Variants in CTNNA2 observed in about 807,000 individuals in gnomAD.
CTNNA2 encodes the protein catenin alpha-2.
Under a neutral mutation model 101.0 loss-of-function variants are expected in CTNNA2, and 42 were observed. The observed-to-expected ratio is 0.42, with a 90% confidence interval of 0.32 to 0.54. The LOEUF is 0.54. CTNNA2 is among the 20% of genes least tolerant of loss of function. CTNNA2 has a pLI of 0.14. For missense variants in CTNNA2, 871 were observed against 1,223.1 expected, an observed-to-expected ratio of 0.71 and a Z score of 4.29; for synonymous variants, 450 against 456.4, an observed-to-expected ratio of 0.99 and a Z score of 0.18.
At chr2:79,545,068 A>G (rs777215709) in intron 1 of CTNNA2, among the ~76,000 whole-genome samples, 1 of 152,218 alleles carries the variant, frequency 6.6e-6, no homozygotes, top group Non-Finnish European at 1.5e-5. Flanking sequence ...ATTTAAATTC[A>G]GCATCACATG....
At chr2:80,107,492 C>T (rs1364969420) in intron 7 of CTNNA2, among the ~76,000 whole-genome samples, 1 of 152,118 alleles carries the variant, frequency 6.6e-6, no homozygotes, top group African/African-American at 2.4e-5. Flanking sequence ...AGATTACCTG[C>T]CCATCCTGTC....
rs386390569 is a variant in CTNNA2, at chr2:79,796,394, CAA to C, written c.298+51829_298+51830del. On this transcript the variant is annotated intron_variant, in intron 3 of 18. Transcript: ENST00000402739. ...TAGGCGACAGAGCGAGACTCCGTCT[CAA>C]AAAAAAAAAAAAAAAAGTGGCCTAA... Among the ~76,000 whole-genome samples, 96 of 94,780 alleles carry C rather than the reference CAA, an allele frequency of 1.0e-3. No homozygotes were observed. In the Middle Eastern group the frequency reaches 0.017, roughly 17 times the overall value. The allele number at this position is 94,780 out of a possible 152,430, so 62.2% of individuals were successfully genotyped here. A position where few individuals can be genotyped will look rare whatever the true frequency, so the allele number is the denominator to read the frequency against.
At chr2:79,469,619 A>C (rs924060288) in intron 4 of CTNNA2, among the ~76,000 whole-genome samples, 1 of 152,214 alleles carries the variant, frequency 6.6e-6, no homozygotes, top group African/African-American at 2.4e-5. Context: ...ACATCGATGC[A>C]AAAATCCTCA....
chr2:80,223,292 G>T (rs1211350429), intron 7 of CTNNA2, among the ~76,000 whole-genome samples: 1 of 152,150 alleles, frequency 6.6e-6, no homozygotes, highest in South Asian at 2.1e-4. Flanking sequence ...AAAACATCAG[G>T]AAGTCAGGAT....
At chr2:80,370,253 G>GGTGTGT (rs55674137) in intron 7 of CTNNA2, among the ~76,000 whole-genome samples, 6 of 150,676 alleles carry the variant, frequency 4.0e-5, no homozygotes, top group South Asian at 4.2e-4. Flanking sequence ...ATATTTGAGT[G>GGTGTGT]GTGTGTGTGT....
At chr2:79,553,727 C>A (rs1384699788) in intron 1 of CTNNA2, among the ~76,000 whole-genome samples, 1 of 152,100 alleles carries the variant, frequency 6.6e-6, no homozygotes, top group East Asian at 1.9e-4. Context: ...GGATGTCTGC[C>A]CTCTTGATCC....
At chr2:79,781,737 T>C (rs1312774831) in intron 3 of CTNNA2, among the ~76,000 whole-genome samples, 1 of 152,190 alleles carries the variant, frequency 6.6e-6, no homozygotes, top group African/African-American at 2.4e-5. Flanking sequence ...GGGGCAATTA[T>C]ATGTAAAACT....
intron 7 of CTNNA2, among the ~76,000 whole-genome samples, chr2:80,112,012 C>T (rs377539136): frequency 6.2e-4 from 94 of 152,206 alleles, no homozygotes; most frequent in African/African-American, 2.0e-3. Context: ...CAAATGGTAC[C>T]TGTTCTTGAA....
At chr2:80,203,902 G>A (rs960679750) in intron 7 of CTNNA2, among the ~76,000 whole-genome samples, 6 of 152,156 alleles carry the variant, frequency 3.9e-5, no homozygotes, top group East Asian at 1.9e-4. Context: ...AAATCTAGGC[G>A]GAGGTTCCCA....
chr2:79,863,026 C>T (rs1309316519), intron 4 of CTNNA2, among the ~76,000 whole-genome samples: 1 of 152,130 alleles, frequency 6.6e-6, no homozygotes, highest in African/African-American at 2.4e-5. Flanking sequence ...TTCTCTGTAG[C>T]CCCTGATAGG....
rs1038481430 is a variant in CTNNA2, at chr2:79,749,702, A to G, written c.298+5120A>G. Among the ~76,000 whole-genome samples, 62 of 152,198 alleles carry G rather than the reference A, an allele frequency of 4.1e-4. 1 individual carries two copies. Among genetic ancestry groups the G allele is most frequent in the Admixed American group, 2.9e-3 (45 of 15,288 alleles). Reference sequence around the variant, plus strand: ...TCCAACTTCTAATCTAACTTTTACAAATAACTAGCTGAAAAGCTAAGTCAC... The same window carrying G: ...TCCAACTTCTAATCTAACTTTTACAGATAACTAGCTGAAAAGCTAAGTCAC... On this transcript the variant is annotated intron_variant, in intron 3 of 18. Coordinates refer to ENST00000402739, the MANE Select transcript of CTNNA2 (RefSeq NM_001282597.3).
At chr2:79,655,482 T>C (rs189838463) in intron 2 of CTNNA2, among the ~76,000 whole-genome samples, 452 of 152,224 alleles carry the variant, frequency 3.0e-3, no homozygotes, top group African/African-American at 0.01. Flanking sequence ...GTACTTATAT[T>C]TTACCCTTGA....
intron 7 of CTNNA2, among the ~76,000 whole-genome samples, chr2:80,230,404 T>A (rs963798451): frequency 6.6e-6 from 1 of 152,060 alleles, no homozygotes; most frequent in South Asian, 2.1e-4. Flanking sequence ...CTATATTCAT[T>A]ATTATAAATC....
At chr2:79,649,299 C>T (rs1681048752) in intron 1 of CTNNA2, 1 of 154,762 alleles carries the variant, frequency 6.5e-6, no homozygotes, top group Non-Finnish European at 1.5e-5. Context: ...ATTCTCTATG[C>T]AGTCTTACCC....
chr2:80,491,894 G>A (rs1484595668), intron 9 of CTNNA2, among the ~76,000 whole-genome samples: 1 of 152,134 alleles, frequency 6.6e-6, no homozygotes, highest in African/African-American at 2.4e-5. Context: ...GTATACTCCA[G>A]TATCAATTCT....
In CTNNA2 at chr2:79,709,513, T is replaced by C. The variant is rs553718276; in HGVS notation, c.103-34874T>C. On this transcript the variant is annotated intron_variant, in intron 2 of 18. Coordinates refer to ENST00000402739, the MANE Select transcript of CTNNA2 (RefSeq NM_001282597.3). ...GTTACTGTAGGGATGAGGGGTGATA[T>C]GATAAAGTACTTGGCAATCCAAAAC... Among the ~76,000 whole-genome samples, 164 of 152,130 alleles carry C rather than the reference T, an allele frequency of 1.1e-3. 1 individual carries two copies. The highest frequency in any genetic ancestry group is 3.1e-3 in the Admixed American group (47 of 15,268).
chr2:79,576,417 T>A (rs56144680), intron 1 of CTNNA2, among the ~76,000 whole-genome samples: 7 of 152,198 alleles, frequency 4.6e-5, no homozygotes, highest in African/African-American at 1.7e-4. Context: ...CTATTCTTTT[T>A]AATTTTATCT....
At chr2:80,429,036 G>A (rs1236015775) in intron 9 of CTNNA2, among the ~76,000 whole-genome samples, 1 of 151,924 alleles carries the variant, frequency 6.6e-6, no homozygotes, top group African/African-American at 2.4e-5. Context: ...TACTCTATAA[G>A]AGCTATTTTG....
At chr2:80,242,014 A>C (rs1573490042) in intron 7 of CTNNA2, among the ~76,000 whole-genome samples, 1 of 152,328 alleles carries the variant, frequency 6.6e-6, no homozygotes, top group South Asian at 2.1e-4. Context: ...CTTAAATTTT[A>C]GAAAGAATGT....
Sources: allele counts gnomAD v4.1 joint callset (sites outside exome capture counted in the v4.1 genomes callset), GRCh38; gene constraint gnomAD v4.1.1; transcripts MANE v1.5; gene names NCBI Gene and HGNC (gene_info 2026-07-23, HGNC 2026-07-21).